The following KDM4F variants were observed in gnomAD, a reference collection of about 807,000 sequenced individuals.
The protein encoded by KDM4F is lysine demethylase 4F.
For missense variants in KDM4F, 586 were observed against 496.4 expected (o/e 1.18, Z -1.71); for synonymous variants, 223 against 184.4 (o/e 1.21, Z -1.70).
exon 1 of KDM4F, chr11:95,050,989 T>C (rs782809892): frequency 4.4e-6 from 2 of 458,088 alleles, no homozygotes; most frequent in Non-Finnish European, 7.6e-6. Context: ...GATGAACCCA[T>C]GCACCCTGGC....
chr11:95,050,619 G>C (rs190691767), exon 1 of KDM4F: 1 of 631,226 alleles, frequency 1.6e-6, no homozygotes, highest in Non-Finnish European at 2.8e-6. Flanking sequence ...CGGTGGTACC[G>C]ATGCTGTGCC....
chr11:95,050,118 C>A, exon 1 of KDM4F: 1 of 1,571,238 alleles, frequency 6.4e-7, no homozygotes. Flanking sequence ...AGGCAATTCC[C>A]GGGGCTGTGA....
exon 1 of KDM4F, chr11:95,050,119 G>T (rs936597871): frequency 6.4e-7 from 1 of 1,564,586 alleles, no homozygotes; most frequent in African/African-American, 1.4e-5. Flanking sequence ...GGCAATTCCC[G>T]GGGCTGTGAG....
exon 1 of KDM4F, chr11:95,051,058 C>T (rs1858507083): frequency 2.4e-6 from 1 of 416,020 alleles, no homozygotes; most frequent in African/African-American, 2.1e-5. Context: ...GTCCCTATGA[C>T]TCCTCCCAGT....
In KDM4F at chr11:95,049,664, T is replaced by C; in HGVS notation, c.243T>C (p.Gly81=). Reference sequence around the variant, plus strand: ...AGCAGGTGACCTCTGGGCAGGGAGGTGTGTTTACTCAATACCATAAAAAGA... The same window carrying C: ...AGCAGGTGACCTCTGGGCAGGGAGGCGTGTTTACTCAATACCATAAAAAGA... The change falls in exon 1 of 1, where the codon GGT becomes GGC. Residue 81 remains glycine, a synonymous_variant. Transcript: ENST00000545950. 5.6e-6 allele frequency: 9 copies of C among 1,599,346 alleles called. No homozygotes were observed. In the South Asian group the frequency reaches 1.0e-4, roughly 18 times the overall value.
At chr11:95,050,588 G>T (rs760586023) in exon 1 of KDM4F, 36 of 662,848 alleles carry the variant, frequency 5.4e-5, no homozygotes, top group Non-Finnish European at 9.0e-5. Context: ...TGGCCCCAAG[G>T]CTCTGTTACA....
exon 1 of KDM4F, chr11:95,050,702 T>C: frequency 1.6e-6 from 1 of 628,974 alleles, no homozygotes; most frequent in Non-Finnish European, 2.8e-6. Context: ...GGGGTCCTTG[T>C]CGTGGCTGTG....
Position 95,050,052 on chromosome 11 carries a change from G to A in KDM4F, c.631G>A (p.Val211Met), listed in dbSNP as rs1291544403. The change falls in exon 1 of 1, where the codon GTG (valine) becomes ATG (methionine). Residue 211 changes from valine (V) to methionine (M), a missense_variant. By Grantham distance (21) the Val-to-Met change is conservative. Transcript: ENST00000545950. ...CTTTGGGGAGCCCAAAACTTGGTAC[G>A]TGGTGCCCCCAGAACATGGTCAGCG... The A allele has an allele frequency of 5.6e-6, 9 of 1,604,594 alleles. No homozygotes were observed. The Admixed American group carries it at 8.3e-5, about 15-fold the overall frequency.
chr11:95,050,077 G>T (rs531008688), exon 1 of KDM4F: 2 of 1,591,496 alleles, frequency 1.3e-6, no homozygotes, highest in Non-Finnish European at 1.7e-6. Flanking sequence ...CATGGTCAGC[G>T]CCTGGAATGC....
At chr11:95,051,230 G>C in exon 1 of KDM4F, 1 of 398,790 alleles carries the variant, frequency 2.5e-6, no homozygotes, top group Non-Finnish European at 4.4e-6. Flanking sequence ...CATCTGCTGG[G>C]GCTAAAGCCA....
At chr11:95,049,722 T>G (rs1858491777) in exon 1 of KDM4F, 1 of 1,605,542 alleles carries the variant, frequency 6.2e-7, no homozygotes, top group African/African-American at 1.3e-5. Context: ...GTATCGCCAC[T>G]TGGCAAACAG....
At chr11:95,051,036 C>T (rs376059721) in exon 1 of KDM4F, 5 of 427,638 alleles carry the variant, frequency 1.2e-5, no homozygotes, top group African/African-American at 1.0e-4. Context: ...TGCTAGTAGT[C>T]TTCCTCTTGT....
chr11:95,050,803 G>A lies in KDM4F; in HGVS notation c.1382G>A (p.Arg461His), dbSNP rs182866699. 3.7e-4 allele frequency: 228 copies of A among 611,042 alleles called. 1 individual carries two copies. Among genetic ancestry groups the A allele is most frequent in the African/African-American group, 3.5e-3 (188 of 54,470 alleles). The allele number at this position is 611,042 out of a possible 1,614,324, so 37.9% of individuals were successfully genotyped here. Residue 461 changes from arginine to histidine, a missense_variant, in exon 1 of 1, where the codon CGC (arginine) becomes CAC (histidine). Physicochemically the swap from Arg to His is conservative, Grantham distance 29. Transcript: ENST00000545950. ...ACTGTTCAGTCTGCAGCTAAGAGGC[G>A]CCTCTCAGTGGGGACAGGGAGCAGA...
At chr11:95,051,056 G>T in exon 1 of KDM4F, 1 of 418,720 alleles carries the variant, frequency 2.4e-6, no homozygotes, top group South Asian at 1.0e-4. Context: ...TTGTCCCTAT[G>T]ACTCCTCCCA....
exon 1 of KDM4F, chr11:95,050,806 T>C (rs1250496731): frequency 5.0e-6 from 3 of 605,630 alleles, no homozygotes; most frequent in East Asian, 2.8e-5. Flanking sequence ...AAGAGGCGCC[T>C]CTCAGTGGGG....
In KDM4F at chr11:95,049,928, C is replaced by T. The variant is rs377667501; in HGVS notation, c.507C>T (p.Ile169=). ...TGGAGCAGGAATGTGGGGTTGTCAT[C>T]GAGGGTGTCAACACACCCTACCTGT... The change falls in exon 1 of 1, where the codon ATC becomes ATT. Residue 169 remains isoleucine (I), a synonymous_variant. Transcript: ENST00000545950. 6.8e-6 allele frequency: 11 copies of T among 1,613,096 alleles called. No homozygotes were observed. In the East Asian group the frequency reaches 2.0e-4, roughly 29 times the overall value.
At chr11:95,049,540 C>G (rs1858489620) in exon 1 of KDM4F, 1 of 1,594,962 alleles carries the variant, frequency 6.3e-7, no homozygotes, top group East Asian at 2.2e-5. Context: ...TCCCAAGGCG[C>G]ACACCGAGCT....
exon 1 of KDM4F, chr11:95,049,899 C>A: frequency 6.2e-7 from 1 of 1,610,612 alleles, no homozygotes; most frequent in Non-Finnish European, 8.5e-7. Flanking sequence ...AATTCTGGAC[C>A]TGTTGGAGCA....
At position 95,050,908 on chromosome 11, in the gene KDM4F, C is replaced by T. The variant is rs562960142; in HGVS notation, c.1487C>T (p.Pro496Leu). Residue 496 changes from proline (P) to leucine (L), a missense_variant, in exon 1 of 1, where the codon CCG becomes CTG. By Grantham distance (98) the Pro-to-Leu change is moderately conservative. Transcript: ENST00000545950. ...CCCGCACCTTTGAGCGGTGGCCTTC[C>T]GCATTTTGCAAAGGCTTCTGGCTGC... The T allele has an allele frequency of 3.2e-5, 16 of 494,206 alleles. 1 individual carries two copies. The South Asian group carries it at 4.1e-4, about 13-fold the overall frequency. 30.6% of individuals were successfully genotyped at this position (494,206 alleles called of 1,614,324 possible).
Sources: allele counts gnomAD v4.1 joint callset, GRCh38; gene constraint gnomAD v4.1.1; transcripts MANE v1.5; gene names NCBI Gene and HGNC (gene_info 2026-07-23, HGNC 2026-07-21).